PCDHGA6: variants seen among roughly 807,000 people sequenced by gnomAD.
The protein encoded by PCDHGA6 is protocadherin gamma subfamily A, 6.
PCDHGA6 carries 41 observed loss-of-function variants against 60.6 expected under a neutral mutation model. The observed-to-expected ratio is 0.68, with a 90% CI of 0.53 to 0.88. The LOEUF (loss-of-function observed/expected upper bound fraction) is 0.88. PCDHGA6 is among the 40% of genes least tolerant of loss of function. The pLI is 0.00. For synonymous variants in PCDHGA6, 594 were observed against 524.4 expected, an observed-to-expected ratio of 1.13 and a Z score of -1.81; for missense variants, 1,312 against 1,203.0, an observed-to-expected ratio of 1.09 and a Z score of -1.34.
chr5:141,381,826 C>CTTCTTTTTTTTT (rs1777532522), intron 1 of PCDHGA6, among the ~76,000 whole-genome samples: 2 of 74,284 alleles, frequency 2.7e-5, no homozygotes, highest in African/African-American at 1.2e-4. Flanking sequence ...CTTTCTTCTT[C>CTTCTTTTTTTTT]TTTTTTTTTT....
Position 141,491,508 on chromosome 5 carries a change from G to A in PCDHGA6, c.2425-3299G>A. The A allele has an allele frequency of 6.2e-7, 1 of 1,614,030 alleles. No individual in the cohort carries two copies. The highest frequency in any genetic ancestry group is 8.5e-7 in the Non-Finnish European group (1 of 1,180,014). The stretch of plus-strand genomic sequence containing the variant: ...ACCTGCAGGTGAGCTCGGACGGCAC[G>A]CTCAAGTACATGGAGGTGACGCTGC... On this transcript the variant is annotated intron_variant, in intron 1 of 3. Transcript: ENST00000517434. This position sits in a 1 kb window ranked among gnomAD's most constrained non-coding sequence, Gnocchi z 6.9.
intron 1 of PCDHGA6, chr5:141,377,028 G>A (rs776077319): frequency 2.5e-4 from 39 of 154,858 alleles, no homozygotes; most frequent in Admixed American, 6.4e-5. Context: ...ATTCAAGATT[G>A]TCTTTGATTA....
chr5:141,510,526 A>T (rs1164238062), intron 3 of PCDHGA6, among the ~76,000 whole-genome samples: 1 of 152,156 alleles, frequency 6.6e-6, no homozygotes, highest in East Asian at 1.9e-4. Flanking sequence ...CAGCCCTGAG[A>T]GAAATACCAG....
At chr5:141,397,507 T>C (rs2093532297) in intron 1 of PCDHGA6, among the ~76,000 whole-genome samples, 1 of 152,222 alleles carries the variant, frequency 6.6e-6, no homozygotes, top group Non-Finnish European at 1.5e-5. Flanking sequence ...GATAAAATTG[T>C]TTCCATAGCT....
chr5:141,473,193 A>G (rs938175797), intron 1 of PCDHGA6, among the ~76,000 whole-genome samples: 2 of 152,232 alleles, frequency 1.3e-5, no homozygotes, highest in African/African-American at 4.8e-5. Flanking sequence ...GAGTAAATGT[A>G]TCTTCTAAAA....
intron 1 of PCDHGA6, chr5:141,402,978 T>C (rs746626227): frequency 2.5e-6 from 4 of 1,608,452 alleles, no homozygotes; most frequent in Non-Finnish European, 3.4e-6. Context: ...AAATGCCAGC[T>C]CCGCGGAAGA....
In PCDHGA6 at chr5:141,505,414, C is replaced by T. The variant is rs373956550; in HGVS notation, c.2505C>T (p.Thr835=). The T allele has an allele frequency of 3.0e-5, 48 of 1,614,046 alleles. No homozygotes were observed. In the African/African-American group the frequency reaches 3.1e-4, roughly 10 times the overall value. The change falls in exon 3 of 4, where the codon ACC becomes ACT. Residue 835 remains threonine (T), a synonymous_variant. Transcript: ENST00000517434. ...CCAGCTCCCAAAATGGCGATGACACCGGCACCTGGCCCAACAACCAGTTTG... is the reference window on the plus strand; with the variant it reads ...CCAGCTCCCAAAATGGCGATGACACTGGCACCTGGCCCAACAACCAGTTTG... ...GTSGSQNGDD[T]GTWPNNQFDT...
Position 141,431,605 on chromosome 5 carries a change from G to A in PCDHGA6, c.2424+55098G>A. ...ATGCGGAAGTGAGGTATTCCTTCCGGTATGTGGACGACAAGGCGGCCCAAG... is the reference window on the plus strand; with the variant it reads ...ATGCGGAAGTGAGGTATTCCTTCCGATATGTGGACGACAAGGCGGCCCAAG... On this transcript the variant is annotated intron_variant, in intron 1 of 3. Transcript: ENST00000517434. This position sits in a 1 kb window ranked among gnomAD's most constrained non-coding sequence, Gnocchi z 4.8. 2 of 1,614,236 alleles carry A rather than the reference G, an allele frequency of 1.2e-6. No individual in the cohort carries two copies. The highest frequency in any genetic ancestry group is 1.7e-6 in the Non-Finnish European group (2 of 1,180,044).
At chr5:141,413,449 G>T in intron 1 of PCDHGA6, 2 of 1,614,120 alleles carry the variant, frequency 1.2e-6, no homozygotes, top group South Asian at 2.2e-5. Context: ...GATCACCGCG[G>T]GCAGGATAGA....
rs1317717658 is a variant in PCDHGA6, at chr5:141,476,494, G to A, written c.2425-18313G>A. On this transcript the variant is annotated intron_variant, in intron 1 of 3. Coordinates refer to ENST00000517434, the MANE Select transcript of PCDHGA6 (RefSeq NM_018919.3). The surrounding 1 kb of genome is among the most constrained non-coding windows in gnomAD (Gnocchi z 7.6). ...TGTTCAGCGTGGAAGTGGTGATCCA[G>A]GACATCAACGACAACAATCCTGCTT... The A allele has an allele frequency of 6.2e-7, 1 of 1,614,012 alleles. No individual in the cohort carries two copies. The highest frequency in any genetic ancestry group is 8.5e-7 in the Non-Finnish European group (1 of 1,179,988).
At chr5:141,483,757 C>T (rs895694800) in intron 1 of PCDHGA6, among the ~76,000 whole-genome samples, 1 of 151,984 alleles carries the variant, frequency 6.6e-6, no homozygotes, top group Non-Finnish European at 1.5e-5. Flanking sequence ...AGGATCGAGG[C>T]TTGGAAAAAT....
chr5:141,423,940 G>A (rs937456850), intron 1 of PCDHGA6: 1 of 1,217,098 alleles, frequency 8.2e-7, no homozygotes, highest in Non-Finnish European at 1.0e-6. Flanking sequence ...TTTGAAGTAA[G>A]TTGAATTTTA....
rs750200042 is a variant in PCDHGA6, at chr5:141,418,821, C to A, written c.2424+42314C>A. On this transcript the variant is annotated intron_variant, in intron 1 of 3. Coordinates refer to ENST00000517434, the MANE Select transcript of PCDHGA6 (RefSeq NM_018919.3). ...GAAAGATATACGATAAACATAGAAG[C>A]AAAAGACCGAGGATCTCTCTCAACA... 8.1e-6 allele frequency: 13 copies of A among 1,613,846 alleles called. 1 individual carries two copies. The highest frequency in any genetic ancestry group is 1.6e-4 in the Middle Eastern group (1 of 6,062).
rs1280755615 is a variant in PCDHGA6 at position 141,431,629 on chromosome 5, A to C, written c.2424+55122A>C. On this transcript the variant is annotated intron_variant, in intron 1 of 3. Transcript: ENST00000517434. This position sits in a 1 kb window ranked among gnomAD's most constrained non-coding sequence, Gnocchi z 4.8. ...GGTATGTGGACGACAAGGCGGCCCA[A>C]GTTTTCAAACTAGATTGTAATTCAG... 6.2e-7 allele frequency: 1 copy of C among 1,614,246 alleles called. No individual in the cohort carries two copies. Among genetic ancestry groups the C allele is most frequent in the South Asian group, 1.1e-5 (1 of 91,090 alleles).
chr5:141,437,794 G>A (rs1162440523), intron 1 of PCDHGA6, among the ~76,000 whole-genome samples: 3 of 150,526 alleles, frequency 2.0e-5, no homozygotes, highest in Non-Finnish European at 4.4e-5. Flanking sequence ...CTGGAGTGCA[G>A]TGGCACTATC....
intron 1 of PCDHGA6, among the ~76,000 whole-genome samples, chr5:141,488,510 G>A (rs910546464): frequency 1.3e-5 from 2 of 152,152 alleles, no homozygotes; most frequent in Non-Finnish European, 2.9e-5. Context: ...TCCACATTTG[G>A]GGTCTGGGGT....
rs1330659052 is a variant in PCDHGA6, at chr5:141,490,012, G to T, written c.2425-4795G>T. On this transcript the variant is annotated intron_variant, in intron 1 of 3. Transcript: ENST00000517434. The surrounding 1 kb of genome is among the most constrained non-coding windows in gnomAD (Gnocchi z 5.4). ...GGGAATCCCAGAGAATGCACCCATT[G>T]GTACTCTGCTGCTCCGCCTCAATGC... The T allele has an allele frequency of 1.2e-6, 2 of 1,614,232 alleles. No homozygotes were observed. Among genetic ancestry groups the T allele is most frequent in the East Asian group, 4.5e-5 (2 of 44,888 alleles).
intron 1 of PCDHGA6, chr5:141,428,296 AT>A: frequency 1.4e-6 from 1 of 713,574 alleles, no homozygotes; most frequent in Non-Finnish European, 2.5e-6. Flanking sequence ...AAAGCTGCAG[AT>A]TTACCTGGTC....
At chr5:141,394,742 G>A (rs752402821) in intron 1 of PCDHGA6, 5 of 1,613,300 alleles carry the variant, frequency 3.1e-6, no homozygotes, top group African/African-American at 1.3e-5. Flanking sequence ...AGAGCCTCGT[G>A]GTGGCCGTCC....
Sources: gnomAD v4.1 joint callset for allele counts (sites outside exome capture counted in the v4.1 genomes callset) on GRCh38, gnomAD v4.1.1 for gene constraint, Gnocchi (gnomAD v3.1) non-coding constraint, MANE v1.5 for transcripts, NCBI Gene and HGNC (gene_info 2026-07-23, HGNC 2026-07-21) for gene names.